PALM: variants seen among roughly 807,000 people sequenced by gnomAD.
The protein encoded by PALM is paralemmin-1.
A neutral mutation model predicts 30.7 loss-of-function variants in PALM; 18 were observed. The observed-to-expected ratio is 0.59, with a 90% CI of 0.41 to 0.87. PALM has a LOEUF of 0.87. Among genes scored for constraint, PALM ranks in the 40% least tolerant of loss-of-function variants. The pLI is 0.00. For missense variants in PALM, 529 were observed against 555.4 expected, an observed-to-expected ratio of 0.95 and a Z score of 0.48; for synonymous variants, 286 against 242.8, an observed-to-expected ratio of 1.18 and a Z score of -1.66.
At position 746,210 on chromosome 19, in the gene PALM, C is replaced by G. The variant is rs894492938; in HGVS notation, c.635-75C>G. 2 of 1,222,658 alleles carry G rather than the reference C, an allele frequency of 1.6e-6. No homozygotes were observed. The highest frequency in any genetic ancestry group is 3.0e-5 in the African/African-American group (2 of 66,182). 75.7% of individuals were successfully genotyped at this position (1,222,658 alleles called of 1,614,324 possible). ...ATACAAGCCTTGCCAAGGTTTCCCT[C>G]CTGCCTGAGCCAGGTCACTCTCTCT... On this transcript the variant is annotated intron_variant, in intron 8 of 8. Transcript: ENST00000338448. This position sits in a 1 kb window ranked among gnomAD's most constrained non-coding sequence, Gnocchi z 7.1.
chr19:744,537 T>A (rs1169281587), intron 8 of PALM, among the ~76,000 whole-genome samples: 1 of 152,062 alleles, frequency 6.6e-6, no homozygotes, highest in Non-Finnish European at 1.5e-5. Flanking sequence ...TTAACTCAAG[T>A]TAGAATGAAT....
At chr19:733,314 G>T (rs1202997435) in intron 5 of PALM, among the ~76,000 whole-genome samples, 1 of 152,182 alleles carries the variant, frequency 6.6e-6, no homozygotes, top group African/African-American at 2.4e-5. Flanking sequence ...TGTCATGGGA[G>T]ACTCAGCAAT....
intron 4 of PALM, among the ~76,000 whole-genome samples, chr19:728,529 C>T (rs563151486): frequency 7.1e-4 from 108 of 152,230 alleles, no homozygotes; most frequent in Non-Finnish European, 1.3e-3. Context: ...ATGGACAGGC[C>T]GGGTGCGGTG....
At chr19:719,383 C>G in intron 1 of PALM, 1 of 985,532 alleles carries the variant, frequency 1.0e-6, no homozygotes. Flanking sequence ...GCGCTCCAGA[C>G]GACGCCCTCG....
rs1223934139 is a variant in PALM at position 727,657 on chromosome 19, G to C, written c.232G>C (p.Glu78Gln). The change falls in exon 4 of 9, where the codon GAG becomes CAG. Residue 78 changes from glutamate (E) to glutamine (Q), a missense_variant. Physicochemically the swap from Glu to Gln is conservative, Grantham distance 29. Coordinates refer to ENST00000338448, the MANE Select transcript of PALM (RefSeq NM_002579.3). ...CCTGAGGAGGCAGATGCAGGACGAC[G>C]AGCAGAAGACACGGCTGCTGGAGGA... ...EDLRRQMQDD[E>Q]QKTRLLEDSV... The C allele has an allele frequency of 6.4e-7, 1 of 1,569,042 alleles. No homozygotes were observed.
chr19:711,388 C>T (rs1009168565), intron 1 of PALM, among the ~76,000 whole-genome samples: 22 of 152,108 alleles, frequency 1.4e-4, no homozygotes, highest in African/African-American at 4.8e-4. Flanking sequence ...CTCAAACCCC[C>T]GGGATAGGGA....
intron 8 of PALM, among the ~76,000 whole-genome samples, chr19:745,411 A>C (rs2033309749): frequency 6.6e-6 from 1 of 151,988 alleles, no homozygotes; most frequent in African/African-American, 2.4e-5. Flanking sequence ...ATGGAATTAC[A>C]GGCCAGGTGC....
In PALM at chr19:727,103, G is replaced by A. The variant is rs1418159142; in HGVS notation, c.138+15G>A. The A allele has an allele frequency of 6.6e-7, 1 of 1,521,774 alleles. No individual in the cohort carries two copies. Among genetic ancestry groups the A allele is most frequent in the Non-Finnish European group, 8.9e-7 (1 of 1,121,646 alleles). The allele number at this position is 1,521,774 out of a possible 1,614,324, so 94.3% of individuals were successfully genotyped here. A position where few individuals can be genotyped will look rare whatever the true frequency, so the allele number is the denominator to read the frequency against. ...AGCACCTGAAGGTACGAGCGGGGCA[G>A]GGACCCAGGGTCAGGGAGTGCAGGC... On this transcript the variant is annotated intron_variant, in intron 3 of 8. Coordinates refer to ENST00000338448, the MANE Select transcript of PALM (RefSeq NM_002579.3).
chr19:746,711 C>T lies in PALM; in HGVS notation c.1061C>T (p.Ala354Val). 2 of 1,607,764 alleles carry T rather than the reference C, an allele frequency of 1.2e-6. No homozygotes were observed. Among genetic ancestry groups the T allele is most frequent in the Non-Finnish European group, 1.7e-6 (2 of 1,177,862 alleles). The change falls in exon 9 of 9, where the codon GCC becomes GTC. Residue 354 changes from alanine (A) to valine (V), a missense_variant. Ala to Val is a moderately conservative substitution (Grantham distance 64, BLOSUM62 0). Coordinates refer to ENST00000338448, the MANE Select transcript of PALM (RefSeq NM_002579.3). This position sits in a 1 kb window ranked among gnomAD's most constrained non-coding sequence, Gnocchi z 7.1. ...AGTGCTGCCGAGCCTCCCACGGAGGCCGCCTCCAGGGAAGAGAATCAGGCG... is the reference window on the plus strand; with the variant it reads ...AGTGCTGCCGAGCCTCCCACGGAGGTCGCCTCCAGGGAAGAGAATCAGGCG... ...NGSAAEPPTEAASREENQAGP... is the reference protein window; with the variant it reads ...NGSAAEPPTEVASREENQAGP...
Position 727,550 on chromosome 19 carries a change from T to C in PALM, c.139-14T>C, listed in dbSNP as rs3746169. Reference sequence around the variant, plus strand: ...GTCCTGCCCACGACTCTGACCTGGATCCCTGCTGCTCAGTCCAAGGCACTG... The same window carrying C: ...GTCCTGCCCACGACTCTGACCTGGACCCCTGCTGCTCAGTCCAAGGCACTG... On this transcript the variant is annotated splice_polypyrimidine_tract_variant and intron_variant, in intron 3 of 8. Transcript: ENST00000338448. 0.3 allele frequency: 473,451 copies of C among 1,566,720 alleles called. 74,832 individuals are homozygous for C. Among genetic ancestry groups the C allele is most frequent in the East Asian group, 0.49 (21,006 of 42,938 alleles).
intron 1 of PALM, among the ~76,000 whole-genome samples, chr19:712,779 G>A (rs1029012143): frequency 2.6e-5 from 4 of 151,468 alleles, no homozygotes; most frequent in Non-Finnish European, 4.4e-5. Context: ...GGGTTCAAGC[G>A]ATTCTCCTGC....
At chr19:714,428 G>A (rs1360726694) in intron 1 of PALM, among the ~76,000 whole-genome samples, 3 of 138,074 alleles carry the variant, frequency 2.2e-5, no homozygotes, top group South Asian at 4.7e-4. Context: ...GCGAGATCTC[G>A]GCTCACTGCA....
intron 4 of PALM, among the ~76,000 whole-genome samples, chr19:729,458 CTT>C (rs34688325): frequency 2.9e-3 from 213 of 72,684 alleles, no homozygotes; most frequent in Non-Finnish European, 4.1e-3. Context: ...CACGGTGCGT[CTT>C]TTTTTTTTTT....
Position 709,093 on chromosome 19 carries a change from ACCCGCGCCCG to A in PALM, c.-50_-41del, listed in dbSNP as rs1198715978. 2 of 242,648 alleles carry A rather than the reference ACCCGCGCCCG, an allele frequency of 8.2e-6. No homozygotes were observed. Among genetic ancestry groups the A allele is most frequent in the Non-Finnish European group, 1.5e-5 (2 of 130,540 alleles). 15.0% of individuals were successfully genotyped at this position (242,648 alleles called of 1,614,324 possible). On this transcript the variant is annotated 5_prime_UTR_variant, in exon 1 of 9. Transcript: ENST00000338448. The surrounding 1 kb of genome is among the most constrained non-coding windows in gnomAD (Gnocchi z 4.3). ...CCTCCCCTCCCCTCCCCCGCGCGCCACCCGCGCCCGCCCCCGCCCGGCACCGCGGACCCAC... is the reference window on the plus strand; with the variant it reads ...CCTCCCCTCCCCTCCCCCGCGCGCCACCCCCGCCCGGCACCGCGGACCCAC...
chr19:736,880 C>T (rs1372613929), intron 7 of PALM, among the ~76,000 whole-genome samples: 1 of 152,132 alleles, frequency 6.6e-6, no homozygotes, highest in Non-Finnish European at 1.5e-5. Flanking sequence ...ATGGCGAAAC[C>T]CCATCTCTAC....
At chr19:737,758 G>C (rs1335372931) in intron 7 of PALM, among the ~76,000 whole-genome samples, 1 of 152,180 alleles carries the variant, frequency 6.6e-6, no homozygotes, top group Non-Finnish European at 1.5e-5. Context: ...ACGGCCAGGA[G>C]ATCCGTGTGG....
intron 8 of PALM, among the ~76,000 whole-genome samples, chr19:744,636 G>A (rs2033284707): frequency 6.6e-6 from 1 of 152,174 alleles, no homozygotes; most frequent in South Asian, 2.1e-4. Flanking sequence ...GCTCACACCT[G>A]TAATCCCAGC....
At chr19:722,122 G>A (rs927983546) in intron 1 of PALM, among the ~76,000 whole-genome samples, 6 of 150,940 alleles carry the variant, frequency 4.0e-5, no homozygotes, top group Admixed American at 2.0e-4. Flanking sequence ...GTTTCACCGT[G>A]TTAGCCAGGA....
At position 742,544 on chromosome 19, in the gene PALM, G is replaced by T. The variant is rs1295275103; in HGVS notation, c.634+2061G>T. On this transcript the variant is annotated intron_variant, in intron 8 of 8. Transcript: ENST00000338448. This position sits in a 1 kb window ranked among gnomAD's most constrained non-coding sequence, Gnocchi z 5.5. ...CACTTGAACCCAGGAGGCGGAGGTT[G>T]CAGTGAGCCGAGATCGCGCCACTGC... 6.6e-6 allele frequency among the ~76,000 whole-genome samples: 1 copy of T among 151,946 alleles called. No individual in the cohort carries two copies. Among genetic ancestry groups the T allele is most frequent in the Non-Finnish European group, 1.5e-5 (1 of 68,004 alleles).
Sources: allele counts gnomAD v4.1 joint callset (sites outside exome capture counted in the v4.1 genomes callset), GRCh38; gene constraint gnomAD v4.1.1; non-coding constraint Gnocchi (gnomAD v3.1); transcripts MANE v1.5; gene names NCBI Gene and HGNC (gene_info 2026-07-23, HGNC 2026-07-21).